CENPV: variants seen among roughly 807,000 people sequenced by gnomAD.
CENPV encodes nuclear protein p30.
A neutral mutation model predicts 26.4 loss-of-function variants in CENPV; 15 were observed. The ratio of observed to expected loss-of-function variants is 0.57; its 90% CI spans 0.38 to 0.88. CENPV has a LOEUF of 0.88. CENPV is among the 40% of genes least tolerant of loss of function. The pLI, the probability that CENPV is intolerant of heterozygous loss-of-function variation, is 0.00. For synonymous variants in CENPV, 172 were observed against 165.5 expected (o/e 1.04, Z -0.30); for missense variants, 336 against 376.5 (o/e 0.89, Z 0.89).
chr17:16,349,447 A>C, intron 2 of CENPV: 1 of 986,354 alleles, frequency 1.0e-6, no homozygotes, highest in Non-Finnish European at 1.2e-6. Context: ...AGGTGGTACA[A>C]ATCAGGCCCT....
At chr17:16,349,441 G>A in intron 2 of CENPV, 1 of 986,264 alleles carries the variant, frequency 1.0e-6, no homozygotes, top group Non-Finnish European at 1.2e-6. Context: ...CGGGGAAGGT[G>A]GTACAAATCA....
intron 4 of CENPV, among the ~76,000 whole-genome samples, chr17:16,343,552 G>A (rs1000340783): frequency 2.0e-5 from 3 of 152,184 alleles, no homozygotes; most frequent in African/African-American, 7.2e-5. Flanking sequence ...GGCTGGTCTC[G>A]AACTCCCGAC....
chr17:16,348,842 CCT>C (rs2093218421), intron 2 of CENPV, 157 bp from the exon 3 acceptor site: 1 of 1,427,646 alleles, frequency 7.0e-7, no homozygotes, highest in African/African-American at 1.4e-5. Flanking sequence ...GATAGCAGTG[CCT>C]CTGGTTTGCA....
At chr17:16,346,263 T>G (rs1376332884) in intron 3 of CENPV, among the ~76,000 whole-genome samples, 4 of 152,216 alleles carry the variant, frequency 2.6e-5, no homozygotes. Flanking sequence ...ATTCCAAATG[T>G]CTCAATGACA....
intron 2 of CENPV, 41 bp downstream of exon 2, chr17:16,349,890 G>A: frequency 6.2e-7 from 1 of 1,602,938 alleles, no homozygotes; most frequent in Non-Finnish European, 8.5e-7. Flanking sequence ...TTTTAACTCT[G>A]AAATTCTTTT....
Position 16,342,863 on chromosome 17 carries a change from T to G in CENPV, c.773A>C (p.Lys258Thr). 4 of 1,614,142 alleles carry G rather than the reference T, an allele frequency of 2.5e-6. No homozygotes were observed. The highest frequency in any genetic ancestry group is 3.4e-6 in the Non-Finnish European group (4 of 1,180,030). ...TEEFNGSDWE[K>T]AMKEHKTIKN... ...GATGGTCTTGTGCTCTTTCATGGCCTTCTCCCAATCGCTGCCATTGAATTC... is the reference window on the plus strand; with the variant it reads ...GATGGTCTTGTGCTCTTTCATGGCCGTCTCCCAATCGCTGCCATTGAATTC... The change falls in exon 5 of 5, where the codon AAG (lysine) becomes ACG (threonine). Residue 258 changes from lysine (K) to threonine (T), a missense_variant. Lys to Thr is a moderately conservative substitution (Grantham distance 78, BLOSUM62 -1). Transcript: ENST00000299736.
At chr17:16,345,097 T>TA (rs1424096728) in intron 3 of CENPV, among the ~76,000 whole-genome samples, 1 of 151,480 alleles carries the variant, frequency 6.6e-6, no homozygotes. Flanking sequence ...TTATGTCACT[T>TA]AAAAAATACA....
Position 16,342,683 on chromosome 17 carries a change from G to T in CENPV, c.*134C>A. The T allele has an allele frequency of 2.0e-6, 2 of 1,012,760 alleles. No individual in the cohort carries two copies. Among genetic ancestry groups the T allele is most frequent in the Non-Finnish European group, 3.0e-6 (2 of 673,498 alleles). 62.7% of individuals were successfully genotyped at this position (1,012,760 alleles called of 1,614,324 possible). A position where few individuals can be genotyped will look rare whatever the true frequency, so the allele number is the denominator to read the frequency against. On this transcript the variant is annotated 3_prime_UTR_variant, in exon 5 of 5. Transcript: ENST00000299736. The stretch of plus-strand genomic sequence containing the variant: ...ACTGGTAGCTGGAGCAAACTGCAGA[G>T]ATCAAGATGACCCTAGTCAACGGAA...
Position 16,343,814 on chromosome 17 carries a change from G to A in CENPV, c.694+783C>T, listed in dbSNP as rs959224799. Among the ~76,000 whole-genome samples, 18 of 146,976 alleles carry A rather than the reference G, an allele frequency of 1.2e-4. No individual in the cohort carries two copies. In the Admixed American group the frequency reaches 1.2e-3, roughly 10 times the overall value. ...CCACCACCATAAGGCAAAAGACACT[G>A]ACAGTCATAGCTGCTCTCGCAGCTC... On this transcript the variant is annotated intron_variant, in intron 4 of 4. Coordinates refer to ENST00000299736, the MANE Select transcript of CENPV (RefSeq NM_181716.3).
rs910714911 is a variant in CENPV, at chr17:16,353,060, G to C, written c.377C>G (p.Ser126Cys). The C allele has an allele frequency of 6.3e-7, 1 of 1,579,252 alleles. No homozygotes were observed. Residue 126 changes from serine (S) to cysteine (C), a missense_variant, in exon 1 of 5, where the codon TCC (serine) becomes TGC (cysteine). Around this residue, in one of 2 missense-constraint regions of CENPV, gnomAD observed 155 missense variants for 227.8 expected, o/e 0.68. Transcript: ENST00000299736. ...ETFQKRQKLTSEGAAKLLLDT... is the reference protein window; with the variant it reads ...ETFQKRQKLTCEGAAKLLLDT... ...TAGCAGGAGCTTGGCGGCACCCTCG[G>C]AGGTAAGCTTCTGCCGCTTCTGGAA... is the stretch of plus-strand genomic sequence containing the variant.
Position 16,349,780 on chromosome 17 carries a change from A to G in CENPV, c.509+151T>C, listed in dbSNP as rs142578113. Reference sequence around the variant, plus strand: ...ATATAAAAGGAACAAAAATAGAACAATGAACCTTTCTGTCCCCATCACCTG... The same window carrying G: ...ATATAAAAGGAACAAAAATAGAACAGTGAACCTTTCTGTCCCCATCACCTG... On this transcript the variant is annotated intron_variant, in intron 2 of 4. Transcript: ENST00000299736. The G allele has an allele frequency of 1.5e-3, 2,155 of 1,442,626 alleles. 33 individuals carry two copies. The African/African-American group carries it at 0.026, about 17-fold the overall frequency. The allele number at this position is 1,442,626 out of a possible 1,614,324, so 89.4% of individuals were successfully genotyped here. A position where few individuals can be genotyped will look rare whatever the true frequency, so the allele number is the denominator to read the frequency against.
chr17:16,353,006 C>A (rs756393718), intron 1 of CENPV, 21 bp downstream of exon 1: 13 of 1,541,090 alleles, frequency 8.4e-6, no homozygotes, highest in African/African-American at 1.4e-5. Context: ...GCTCCCGCGC[C>A]CCCCGGCCCG....
At chr17:16,345,328 T>TGA (rs34779746) in intron 3 of CENPV, among the ~76,000 whole-genome samples, 69,628 of 148,678 alleles carry the variant, frequency 0.47, 16,767 homozygotes, top group East Asian at 0.81. Flanking sequence ...CCCAACACTT[T>TGA]GAGGCCGAGG....
In CENPV at chr17:16,353,040, G is replaced by A. The variant is rs768195552; in HGVS notation, c.397C>T (p.Leu133=). The A allele has an allele frequency of 1.9e-6, 3 of 1,576,550 alleles. No individual in the cohort carries two copies. The highest frequency in any genetic ancestry group is 1.4e-5 in the African/African-American group (1 of 71,194). ...CGCCGCACTCACAAGGTGTCTAGCA[G>A]GAGCTTGGCGGCACCCTCGGAGGTA... ...KLTSEGAAKL[L]LDTFEYQGLV... is the part of the protein sequence containing the mutation. The change falls in exon 1 of 5, where the codon CTG becomes TTG. Residue 133 remains leucine (L), a synonymous_variant. Coordinates refer to ENST00000299736, the MANE Select transcript of CENPV (RefSeq NM_181716.3).
intron 3 of CENPV, 168 bp downstream of exon 3, chr17:16,348,448 T>G (rs2093216425): frequency 6.9e-7 from 1 of 1,441,022 alleles, no homozygotes; most frequent in African/African-American, 1.4e-5. Context: ...TGAGCCACTG[T>G]GCCGGGCCCA....
chr17:16,343,726 T>C (rs1021496684), intron 4 of CENPV, among the ~76,000 whole-genome samples: 6 of 151,966 alleles, frequency 3.9e-5, no homozygotes, highest in Non-Finnish European at 7.4e-5. Context: ...CCTGAAGCAA[T>C]GGGGGAGCGG....
rs747316123 is a variant in CENPV at position 16,348,599 on chromosome 17, T to C, written c.579+17A>G. 1.1e-5 allele frequency: 17 copies of C among 1,613,804 alleles called. No individual in the cohort carries two copies. The highest frequency in any genetic ancestry group is 8.9e-5 in the East Asian group (4 of 44,894). On this transcript the variant is annotated intron_variant, in intron 3 of 4. Transcript: ENST00000299736. Reference sequence around the variant, plus strand: ...CAATGGGTTCTGCACTCCTTGACCCTGCTCTTAAGCACTGACCTTCAGGAG... The same window carrying C: ...CAATGGGTTCTGCACTCCTTGACCCCGCTCTTAAGCACTGACCTTCAGGAG...
chr17:16,345,827 T>C (rs1568865405), intron 3 of CENPV, among the ~76,000 whole-genome samples: 1 of 152,124 alleles, frequency 6.6e-6, no homozygotes, highest in Admixed American at 6.6e-5. Context: ...TGGCTCTCCA[T>C]GTCCCCAAAC....
intron 4 of CENPV, among the ~76,000 whole-genome samples, chr17:16,343,490 G>C (rs917574868): frequency 3.3e-5 from 5 of 152,132 alleles, no homozygotes; most frequent in Non-Finnish European, 5.9e-5. Flanking sequence ...GCGCCACCAA[G>C]CCTGGCTAAT....
Sources: allele counts gnomAD v4.1 joint callset (sites outside exome capture counted in the v4.1 genomes callset), GRCh38; gene constraint gnomAD v4.1.1; regional missense constraint gnomAD v4.1.1; transcripts MANE v1.5; gene names NCBI Gene and HGNC (gene_info 2026-07-23, HGNC 2026-07-21).